Variants in GTPBP10 observed in about 807,000 individuals in gnomAD.
GTPBP10 encodes GTP binding protein 10.
GTPBP10 carries 38 observed loss-of-function variants against 44.8 expected under a neutral mutation model. The ratio of observed to expected loss-of-function variants is 0.85; its 90% CI spans 0.65 to 1.11. The LOEUF (loss-of-function observed/expected upper bound fraction) is 1.11. Ranked by LOEUF, GTPBP10 falls within the 50% of genes most tolerant of loss-of-function variation. The pLI, the probability that GTPBP10 is intolerant of heterozygous loss-of-function variation, is 0.00. For synonymous variants in GTPBP10, 152 were observed against 150.6 expected (o/e 1.01, Z -0.07); for missense variants, 462 against 453.7 (o/e 1.02, Z -0.17).
rs190238794 is a variant in GTPBP10, at chr7:90,386,256, T to G, written c.*1102T>G. On this transcript the variant is annotated 3_prime_UTR_variant, in exon 10 of 10. Coordinates refer to ENST00000222511, the MANE Select transcript of GTPBP10 (RefSeq NM_033107.4). ...GTTTTTGAGCCTGTCTTGTACCTGG[T>G]TGCACTAAATATATAATAGTTATCT... The G allele has an allele frequency of 6.6e-5, 10 of 152,318 alleles. No individual in the cohort carries two copies. Among genetic ancestry groups the G allele is most frequent in the Admixed American group, 1.3e-4 (2 of 15,292 alleles). The allele number at this position is 152,318 out of a possible 1,614,324, so 9.4% of individuals were successfully genotyped here. A position where few individuals can be genotyped will look rare whatever the true frequency, so the allele number is the denominator to read the frequency against.
In GTPBP10 at chr7:90,387,013, T is replaced by C. The variant is rs1006785898; in HGVS notation, c.*1859T>C. On this transcript the variant is annotated 3_prime_UTR_variant, in exon 10 of 10. Transcript: ENST00000222511. ...TATATAAATTTTTTCCAACTTAGTG[T>C]TTTTTTACATAATAGTAGCAAGTTA... 6.6e-6 allele frequency: 1 copy of C among 151,942 alleles called. No individual in the cohort carries two copies. The highest frequency in any genetic ancestry group is 2.4e-5 in the African/African-American group (1 of 41,292). 9.4% of individuals were successfully genotyped at this position (151,942 alleles called of 1,614,324 possible).
Position 90,387,729 on chromosome 7 carries a change from T to C in GTPBP10, c.*2575T>C, listed in dbSNP as rs941554936. 1 of 152,254 alleles carries C rather than the reference T, an allele frequency of 6.6e-6. No homozygotes were observed. 9.4% of individuals were successfully genotyped at this position (152,254 alleles called of 1,614,324 possible). ...ACAGACAGGACCTACTGTCCTTGTATATCTTGCCTTTGATAACAGAAACTG... is the reference window on the plus strand; with the variant it reads ...ACAGACAGGACCTACTGTCCTTGTACATCTTGCCTTTGATAACAGAAACTG... On this transcript the variant is annotated 3_prime_UTR_variant, in exon 10 of 10. Coordinates refer to ENST00000222511, the MANE Select transcript of GTPBP10 (RefSeq NM_033107.4).
At chr7:90,382,703 T>C (rs899899983) in intron 8 of GTPBP10, among the ~76,000 whole-genome samples, 23 of 152,322 alleles carry the variant, frequency 1.5e-4, no homozygotes, top group East Asian at 1.3e-3. Flanking sequence ...CTGTGTGAAG[T>C]CCAGATACCC....
Position 90,346,770 on chromosome 7 carries a change from G to C in GTPBP10, c.29G>C (p.Arg10Thr), listed in dbSNP as rs1218237943. The stretch of plus-strand genomic sequence containing the variant: ...GTGCATTGCAGTTGCGTGTTGTTCA[G>C]AAAGGTCCGTGCGGGTCCCCTCAGC... MVHCSCVLF[R>T]KYGNFIDKLR... The change falls in exon 1 of 10, where the codon AGA becomes ACA. Residue 10 changes from arginine to threonine, a missense_variant. By Grantham distance (71) the Arg-to-Thr change is moderately conservative (BLOSUM62 -1). Coordinates refer to ENST00000222511, the MANE Select transcript of GTPBP10 (RefSeq NM_033107.4). The C allele has an allele frequency of 8.1e-6, 13 of 1,614,252 alleles. No individual in the cohort carries two copies. Among genetic ancestry groups the C allele is most frequent in the Admixed American group, 1.7e-5 (1 of 60,028 alleles).
In GTPBP10 at chr7:90,352,802, C is replaced by CTT; in HGVS notation, c.34-5_34-4dup. ...CTTTTGGTATACAAATATTCTTTCT[C>CTT]TTTTTTTTTTAAGTATGGAAATTTC... On this transcript the variant is annotated splice_polypyrimidine_tract_variant and intron_variant, in intron 1 of 9. Transcript: ENST00000222511. 23 of 1,321,766 alleles carry CTT rather than the reference C, an allele frequency of 1.7e-5. No individual in the cohort carries two copies. The highest frequency in any genetic ancestry group is 6.5e-5 in the Admixed American group (3 of 46,184). The allele number at this position is 1,321,766 out of a possible 1,614,324, so 81.9% of individuals were successfully genotyped here. A position where few individuals can be genotyped will look rare whatever the true frequency, so the allele number is the denominator to read the frequency against.
rs543425406 is a variant in GTPBP10 at position 90,361,195 on chromosome 7, C to A, written c.464+5965C>A. Among the ~76,000 whole-genome samples the A allele has an allele frequency of 2.0e-5, 3 of 152,300 alleles. No homozygotes were observed. In the South Asian group the frequency reaches 6.2e-4, roughly 32 times the overall value. On this transcript the variant is annotated intron_variant, in intron 4 of 9. Coordinates refer to ENST00000222511, the MANE Select transcript of GTPBP10 (RefSeq NM_033107.4). The stretch of plus-strand genomic sequence containing the variant: ...GTTGAATAGAAGTGGCGAGAGAGGG[C>A]ATCCCTGTGTTGTGCTGGTTTTCAA...
chr7:90,356,111 T>G (rs1323481422), intron 4 of GTPBP10, among the ~76,000 whole-genome samples: 14 of 152,124 alleles, frequency 9.2e-5, no homozygotes, highest in Admixed American at 9.2e-4. Context: ...AGCTTCTTTC[T>G]AAGTTCTTTT....
chr7:90,381,903 A>T (rs1476902222), intron 8 of GTPBP10, among the ~76,000 whole-genome samples: 1 of 152,182 alleles, frequency 6.6e-6, no homozygotes, highest in Non-Finnish European at 1.5e-5. Context: ...CACACCATAT[A>T]AAAAATCAGT....
intron 5 of GTPBP10, among the ~76,000 whole-genome samples, chr7:90,373,606 G>T (rs1455468155): frequency 6.6e-6 from 1 of 152,142 alleles, no homozygotes; most frequent in East Asian, 1.9e-4. Context: ...ATAGGAAAGA[G>T]GCTAGCGTAG....
intron 4 of GTPBP10, among the ~76,000 whole-genome samples, chr7:90,361,750 C>T (rs1796025444): frequency 6.6e-6 from 1 of 152,108 alleles, no homozygotes; most frequent in Non-Finnish European, 1.5e-5. Flanking sequence ...GCTGTGAATC[C>T]GTCTGGTCCT....
intron 4 of GTPBP10, among the ~76,000 whole-genome samples, chr7:90,369,787 C>T (rs187164621): frequency 2.8e-4 from 42 of 152,288 alleles, no homozygotes; most frequent in African/African-American, 9.1e-4. Context: ...GGTGAAGCAA[C>T]GCCCCACCCT....
At chr7:90,356,564 A>G (rs938925275) in intron 4 of GTPBP10, among the ~76,000 whole-genome samples, 1 of 152,132 alleles carries the variant, frequency 6.6e-6, no homozygotes, top group Non-Finnish European at 1.5e-5. Context: ...AGGATCTCAA[A>G]TCCTCTGGAG....
chr7:90,370,335 AGTGTGT>A (rs33997739), intron 4 of GTPBP10, among the ~76,000 whole-genome samples: 6 of 149,222 alleles, frequency 4.0e-5, no homozygotes, highest in South Asian at 2.1e-4. Context: ...AAGAAAATTG[AGTGTGT>A]GTGTGTGTGT....
intron 4 of GTPBP10, among the ~76,000 whole-genome samples, chr7:90,364,410 G>A (rs1006018180): frequency 2.0e-5 from 3 of 152,128 alleles, no homozygotes; most frequent in African/African-American, 7.2e-5. Context: ...ACTCCAGACC[G>A]TTTGCCTGGG....
rs916229418 is a variant in GTPBP10, at chr7:90,390,508, C to A, written c.*5354C>A. 5.9e-5 allele frequency: 9 copies of A among 152,126 alleles called. No individual in the cohort carries two copies. The highest frequency in any genetic ancestry group is 1.3e-4 in the Admixed American group (2 of 15,274). The allele number at this position is 152,126 out of a possible 1,614,324, so 9.4% of individuals were successfully genotyped here. A position where few individuals can be genotyped will look rare whatever the true frequency, so the allele number is the denominator to read the frequency against. On this transcript the variant is annotated 3_prime_UTR_variant, in exon 10 of 10. Coordinates refer to ENST00000222511, the MANE Select transcript of GTPBP10 (RefSeq NM_033107.4). ...ATGTGTTTATAATAGAAATTAAATT[C>A]TTTGGGATGTACAGGTAAGATAAGC...
chr7:90,363,228 G>A (rs573086226), intron 4 of GTPBP10, among the ~76,000 whole-genome samples: 175 of 152,216 alleles, frequency 1.1e-3, no homozygotes, highest in African/African-American at 3.8e-3. Flanking sequence ...TGTTCCTAGC[G>A]TTGGTGGTCT....
chr7:90,357,486 A>G (rs945091111), intron 4 of GTPBP10, among the ~76,000 whole-genome samples: 1 of 152,182 alleles, frequency 6.6e-6, no homozygotes, highest in African/African-American at 2.4e-5. Context: ...CATGACAGAA[A>G]GATTTTTTTA....
Position 90,384,876 on chromosome 7 carries a change from G to A in GTPBP10, c.902-16G>A. 1 of 1,580,272 alleles carries A rather than the reference G, an allele frequency of 6.3e-7. No homozygotes were observed. The highest frequency in any genetic ancestry group is 8.6e-7 in the Non-Finnish European group (1 of 1,164,998). On this transcript the variant is annotated splice_polypyrimidine_tract_variant and intron_variant, in intron 9 of 9. Coordinates refer to ENST00000222511, the MANE Select transcript of GTPBP10 (RefSeq NM_033107.4). ...AAAACAATGGAAATCAGCTTTGTTT[G>A]TGCTCTTTCTTTTAGATTTTCTGCA...
At chr7:90,354,679 A>G in intron 3 of GTPBP10, 130 bp downstream of exon 3, 2 of 517,374 alleles carry the variant, frequency 3.9e-6, no homozygotes, top group Non-Finnish European at 6.7e-6. Context: ...ATAAGAGAGC[A>G]TTTTTAAAAC....
Sources: allele counts gnomAD v4.1 joint callset (sites outside exome capture counted in the v4.1 genomes callset), GRCh38; gene constraint gnomAD v4.1.1; transcripts MANE v1.5; gene names NCBI Gene and HGNC (gene_info 2026-07-23, HGNC 2026-07-21).